PTPRN2: variants seen among roughly 807,000 people sequenced by gnomAD.
PTPRN2 encodes the protein receptor-type tyrosine-protein phosphatase N2.
In PTPRN2, 74 loss-of-function variants were observed where a neutral mutation model predicts 118.8. The ratio of observed to expected loss-of-function variants is 0.62; its 90% confidence interval spans 0.52 to 0.76. The LOEUF is 0.76. PTPRN2 is among the 30% of genes least tolerant of loss of function. PTPRN2 has a pLI of 0.00. For synonymous variants in PTPRN2, 641 were observed against 608.0 expected (o/e 1.05, Z -0.80); for missense variants, 1,481 against 1,394.4 (o/e 1.06, Z -0.99).
chr7:158,386,525 C>T (rs969065797), intron 2 of PTPRN2, among the ~76,000 whole-genome samples: 1 of 152,174 alleles, frequency 6.6e-6, no homozygotes, highest in Non-Finnish European at 1.5e-5. Context: ...TTCCAGGTAG[C>T]TTGATGGGGT....
chr7:158,560,079 A>G (rs1827281407), intron 1 of PTPRN2, among the ~76,000 whole-genome samples: 1 of 152,210 alleles, frequency 6.6e-6, no homozygotes, highest in African/African-American at 2.4e-5. Context: ...CTCGTATCAA[A>G]CAGCATTTGT....
rs112392788 is a variant in PTPRN2, at chr7:157,585,113, A to C, written c.2497-6973T>G. On this transcript the variant is annotated intron_variant, in intron 17 of 22. Coordinates refer to ENST00000389418, the MANE Select transcript of PTPRN2 (RefSeq NM_002847.5). This position sits in a 1 kb window ranked among gnomAD's most constrained non-coding sequence, Gnocchi z 5.2. ...ATGACACGATGAGGTGACGTAGCCC[A>C]CACACACGTCAGCAGTGCTGATGGA... Among the ~76,000 whole-genome samples the C allele has an allele frequency of 3.9e-5, 6 of 152,286 alleles. No homozygotes were observed. Among genetic ancestry groups the C allele is most frequent in the African/African-American group, 1.2e-4 (5 of 41,558 alleles).
intron 11 of PTPRN2, among the ~76,000 whole-genome samples, chr7:157,966,462 CCATCATCATCTTTATCAT>C (rs1413146642): frequency 6.6e-6 from 1 of 151,870 alleles, no homozygotes; most frequent in Non-Finnish European, 1.5e-5. Context: ...ATCTTCATCA[CCATCATCATCTTTATCAT>C]CACAATCCCC....
At chr7:158,051,408 G>A (rs1349196739) in intron 11 of PTPRN2, among the ~76,000 whole-genome samples, 1 of 152,190 alleles carries the variant, frequency 6.6e-6, no homozygotes, top group African/African-American at 2.4e-5. Context: ...AGGAGCTGCT[G>A]GCCCCAGCCT....
At position 158,036,794 on chromosome 7, in the gene PTPRN2, C is replaced by A. The variant is rs180994134; in HGVS notation, c.1723+44504G>T. ...TCTAATAAAATCCTTCAGAAATAAT[C>A]ATCCTTTAACAAGGTAAAATGTCAA... On this transcript the variant is annotated intron_variant, in intron 11 of 22. Coordinates refer to ENST00000389418, the MANE Select transcript of PTPRN2 (RefSeq NM_002847.5). 1.1e-3 allele frequency among the ~76,000 whole-genome samples: 173 copies of A among 152,266 alleles called. 2 individuals carry two copies. Among genetic ancestry groups the A allele is most frequent in the Middle Eastern group, 6.8e-3 (2 of 294 alleles).
chr7:158,308,108 T>C (rs550122134), intron 3 of PTPRN2, among the ~76,000 whole-genome samples: 3 of 152,202 alleles, frequency 2.0e-5, no homozygotes, highest in Non-Finnish European at 4.4e-5. Context: ...TATTCTGTGA[T>C]AAGCAACAGA....
At chr7:158,475,567 C>T (rs1484868712) in intron 2 of PTPRN2, among the ~76,000 whole-genome samples, 1 of 152,130 alleles carries the variant, frequency 6.6e-6, no homozygotes, top group Non-Finnish European at 1.5e-5. Flanking sequence ...CGCCCGCCTC[C>T]ACCCCCAGCT....
At chr7:158,189,875 G>C (rs1825624324) in intron 5 of PTPRN2, among the ~76,000 whole-genome samples, 1 of 152,204 alleles carries the variant, frequency 6.6e-6, no homozygotes, top group Non-Finnish European at 1.5e-5. Flanking sequence ...TGATTTCAGA[G>C]CTGGAGGTGC....
At chr7:157,568,040 T>G (rs1338186711) in intron 21 of PTPRN2, among the ~76,000 whole-genome samples, 2 of 152,170 alleles carry the variant, frequency 1.3e-5, no homozygotes, top group East Asian at 1.9e-4. Flanking sequence ...AGGTTGGGTA[T>G]TCTGGAGACC....
intron 6 of PTPRN2, among the ~76,000 whole-genome samples, chr7:158,149,664 C>T (rs772154892): frequency 3.3e-5 from 5 of 151,992 alleles, no homozygotes; most frequent in Non-Finnish European, 5.9e-5. Flanking sequence ...ATGACCCAGG[C>T]GTGGTGGCGC....
In PTPRN2 at chr7:158,563,618, CG is replaced by C; in HGVS notation, c.112+23939del. Among the ~76,000 whole-genome samples, 1 of 152,312 alleles carries C rather than the reference CG, an allele frequency of 6.6e-6. No individual in the cohort carries two copies. The highest frequency in any genetic ancestry group is 3.4e-3 in the Middle Eastern group (1 of 294). Reference sequence around the variant, plus strand: ...GGATGAAGAATCCTGCAGCTCTCGCCGGGGACATCTGAACATCCTTGTTAGC... The same window carrying C: ...GGATGAAGAATCCTGCAGCTCTCGCCGGGACATCTGAACATCCTTGTTAGC... On this transcript the variant is annotated intron_variant, in intron 1 of 22. Coordinates refer to ENST00000389418, the MANE Select transcript of PTPRN2 (RefSeq NM_002847.5). This position sits in a 1 kb window ranked among gnomAD's most constrained non-coding sequence, Gnocchi z 5.1.
intron 10 of PTPRN2, among the ~76,000 whole-genome samples, chr7:158,095,521 T>A (rs1392348872): frequency 6.6e-6 from 1 of 152,122 alleles, no homozygotes; most frequent in Non-Finnish European, 1.5e-5. Context: ...TGAGGCCAGG[T>A]GGCTTCAGTA....
chr7:158,458,552 A>G (rs1443442709), intron 2 of PTPRN2, among the ~76,000 whole-genome samples: 1 of 152,028 alleles, frequency 6.6e-6, no homozygotes, highest in African/African-American at 2.4e-5. Flanking sequence ...CAGCCCCATG[A>G]TGTCCCACGA....
intron 16 of PTPRN2, among the ~76,000 whole-genome samples, chr7:157,599,955 A>C (rs866626789): frequency 3.6e-3 from 205 of 56,422 alleles, no homozygotes; most frequent in Middle Eastern, 0.017. Flanking sequence ...ACCTGCCCAC[A>C]TCTCCACCTG....
At chr7:158,243,190 C>A (rs984909214) in intron 3 of PTPRN2, among the ~76,000 whole-genome samples, 1 of 152,198 alleles carries the variant, frequency 6.6e-6, no homozygotes, top group Non-Finnish European at 1.5e-5. Context: ...TTCACTTCAG[C>A]CTCAACCTGT....
At chr7:158,108,536 C>A (rs1455765269) in intron 10 of PTPRN2, among the ~76,000 whole-genome samples, 2 of 152,234 alleles carry the variant, frequency 1.3e-5, no homozygotes, top group African/African-American at 4.8e-5. Flanking sequence ...TGTCCCTCCA[C>A]ATCTTTCCTG....
At chr7:157,934,410 C>T (rs1294902103) in intron 11 of PTPRN2, among the ~76,000 whole-genome samples, 3 of 152,166 alleles carry the variant, frequency 2.0e-5, no homozygotes, top group African/African-American at 4.8e-5. Context: ...TTTTATGCGC[C>T]TTCAACAAAG....
rs1160701040 is a variant in PTPRN2, at chr7:158,336,265, C to T, written c.164-19333G>A. Among the ~76,000 whole-genome samples, 483 of 81,736 alleles carry T rather than the reference C, an allele frequency of 5.9e-3. 15 individuals are homozygous for T. The highest frequency in any genetic ancestry group is 8.7e-3 in the Non-Finnish European group (345 of 39,592). The allele number at this position is 81,736 out of a possible 152,430, so 53.6% of individuals were successfully genotyped here. A position where few individuals can be genotyped will look rare whatever the true frequency, so the allele number is the denominator to read the frequency against. On this transcript the variant is annotated intron_variant, in intron 2 of 22. Transcript: ENST00000389418. Reference sequence around the variant, plus strand: ...CCCACACACGTCACTCGCACTCACACTCTAGCCATAAGAGCTGACGCCCGC... The same window carrying T: ...CCCACACACGTCACTCGCACTCACATTCTAGCCATAAGAGCTGACGCCCGC...
At chr7:158,198,499 A>T (rs1210230174) in intron 4 of PTPRN2, among the ~76,000 whole-genome samples, 1 of 152,202 alleles carries the variant, frequency 6.6e-6, no homozygotes, top group Non-Finnish European at 1.5e-5. Flanking sequence ...ATTCCACATT[A>T]CAGGCCCATC....
Sources: gnomAD v4.1 joint callset for allele counts (sites outside exome capture counted in the v4.1 genomes callset) on GRCh38, gnomAD v4.1.1 for gene constraint, Gnocchi (gnomAD v3.1) non-coding constraint, MANE v1.5 for transcripts, NCBI Gene and HGNC (gene_info 2026-07-23, HGNC 2026-07-21) for gene names.